The following MMP20 variants were observed in gnomAD, a reference collection of about 807,000 sequenced individuals.
MMP20 encodes matrix metalloproteinase-20.
A neutral mutation model predicts 51.8 loss-of-function variants in MMP20; 50 were observed. The observed-to-expected ratio is 0.97, with a 90% CI of 0.77 to 1.22. The LOEUF is 1.22. Among genes scored for constraint, MMP20 ranks in the 50% most tolerant of loss-of-function variants. MMP20 has a pLI of 0.00. For missense variants in MMP20, 663 were observed against 601.4 expected, an observed-to-expected ratio of 1.10 and a Z score of -1.07; for synonymous variants, 244 against 216.2, an observed-to-expected ratio of 1.13 and a Z score of -1.13.
chr11:102,609,279 C>G (rs1226098961), intron 4 of MMP20, among the ~76,000 whole-genome samples, 181 bp from the exon 5 acceptor site: 1 of 152,136 alleles, frequency 6.6e-6, no homozygotes, highest in Non-Finnish European at 1.5e-5. Context: ...ATTCTTCCCC[C>G]CTTGGCTAGA....
intron 3 of MMP20, among the ~76,000 whole-genome samples, chr11:102,610,935 C>G (rs1219751660): frequency 6.6e-6 from 1 of 152,030 alleles, no homozygotes; most frequent in African/African-American, 2.4e-5. Flanking sequence ...AAGAGAGAGC[C>G]AGACATTCAT....
chr11:102,609,012 G>T lies in MMP20; in HGVS notation c.736C>A (p.Pro246Thr), dbSNP rs752206783. Reference sequence around the variant, plus strand: ...TAGGGATTCTTGTACTTATAAGTTGGGTACATCAGTGCTGATGGGTCTGTG... The same window carrying T: ...TAGGGATTCTTGTACTTATAAGTTGTGTACATCAGTGCTGATGGGTCTGTG... ...HSTDPSALMY[P>T]TYKYKNPYGF... The change falls in exon 5 of 10, where the codon CCA becomes ACA. Residue 246 changes from proline to threonine, a missense_variant. Coordinates refer to ENST00000260228, the MANE Select transcript of MMP20 (RefSeq NM_004771.4). 13 of 1,613,774 alleles carry T rather than the reference G, an allele frequency of 8.1e-6. No homozygotes were observed.
chr11:102,579,657 T>C (rs1408088679), intron 8 of MMP20, among the ~76,000 whole-genome samples: 2 of 152,174 alleles, frequency 1.3e-5, no homozygotes, highest in Non-Finnish European at 2.9e-5. Flanking sequence ...AAAGAGATTA[T>C]AGACCTTTAT....
intron 2 of MMP20, 79 bp downstream of exon 2, chr11:102,616,733 G>A: frequency 6.3e-7 from 1 of 1,574,954 alleles, no homozygotes; most frequent in South Asian, 1.1e-5. Context: ...CGGATGAGAA[G>A]GAAAATATTT....
chr11:102,621,155 G>A (rs1422109974), intron 1 of MMP20, among the ~76,000 whole-genome samples: 1 of 152,212 alleles, frequency 6.6e-6, no homozygotes, highest in Non-Finnish European at 1.5e-5. Flanking sequence ...GAGGACTCCT[G>A]TACAATGTCA....
At chr11:102,624,683 GT>G (rs1440490647) in intron 1 of MMP20, among the ~76,000 whole-genome samples, 1 of 152,148 alleles carries the variant, frequency 6.6e-6, no homozygotes, top group East Asian at 1.9e-4. Context: ...CAAATGAGAA[GT>G]GGGTTGGCAC....
In MMP20 at chr11:102,579,084, A is replaced by G; in HGVS notation, c.1306T>C (p.Phe436Leu). The G allele has an allele frequency of 6.2e-7, 1 of 1,613,910 alleles. No individual in the cohort carries two copies. The highest frequency in any genetic ancestry group is 8.5e-7 in the Non-Finnish European group (1 of 1,179,850). ...TCGATTTGGCCATTTACTCCTGAAA[A>G]TTCTTCTTCAGTATTCTTTGGATAG... ...KDYPKNTEEE[F>L]SGVNGQIDAA... Residue 436 changes from phenylalanine to leucine, a missense_variant, in exon 9 of 10, where the codon TTT becomes CTT. Coordinates refer to ENST00000260228, the MANE Select transcript of MMP20 (RefSeq NM_004771.4).
intron 7 of MMP20, 137 bp from the exon 8 acceptor site, chr11:102,593,732 T>G: frequency 1.1e-6 from 1 of 947,024 alleles, no homozygotes. Flanking sequence ...ACAAGAGATA[T>G]AAGCTTCTAA....
chr11:102,597,717 A>G (rs890969971), intron 6 of MMP20, among the ~76,000 whole-genome samples: 8 of 152,372 alleles, frequency 5.3e-5, no homozygotes, highest in African/African-American at 1.9e-4. Flanking sequence ...ATGTGCACAT[A>G]GGATAGAAAT....
chr11:102,606,107 T>C (rs1282599109), intron 6 of MMP20, among the ~76,000 whole-genome samples: 1 of 152,214 alleles, frequency 6.6e-6, no homozygotes, highest in African/African-American at 2.4e-5. Context: ...AAATATTTAT[T>C]GAGCATTTGC....
chr11:102,591,574 GAGA>G lies in MMP20; in HGVS notation c.1247+1862_1247+1864del, dbSNP rs200703947. On this transcript the variant is annotated intron_variant, in intron 8 of 9. Transcript: ENST00000260228. ...CATCACTTAATACCCTCTGTAACCT[GAGA>G]AGGTTAGAAGTGCCTACGATGGTTT... is the stretch of plus-strand genomic sequence containing the variant. Among the ~76,000 whole-genome samples, 84 of 152,312 alleles carry G rather than the reference GAGA, an allele frequency of 5.5e-4. 1 individual carries two copies. In the East Asian group the frequency reaches 0.014, roughly 25 times the overall value.
intron 9 of MMP20, 35 bp from the exon 10 acceptor site, chr11:102,577,461 G>A: frequency 2.2e-6 from 3 of 1,374,686 alleles, no homozygotes; most frequent in Non-Finnish European, 3.1e-6. Context: ...GGTTACTGAA[G>A]ATGTCCAGCA....
chr11:102,608,642 C>T (rs1859550760), intron 5 of MMP20, among the ~76,000 whole-genome samples: 1 of 152,022 alleles, frequency 6.6e-6, no homozygotes, highest in East Asian at 1.9e-4. Flanking sequence ...CTATATCCAT[C>T]CTCTCCCAAT....
intron 8 of MMP20, chr11:102,583,315 A>G (rs1859217297): frequency 6.6e-6 from 1 of 152,164 alleles, no homozygotes; most frequent in Non-Finnish European, 1.5e-5. Flanking sequence ...TCTTATTTAA[A>G]CAATTCAGTG....
In MMP20 at chr11:102,594,710, C is replaced by T. The variant is rs1859359431; in HGVS notation, c.1001G>A (p.Ser334Asn). Residue 334 changes from serine (S) to asparagine (N), a missense_variant, in exon 7 of 10, where the codon AGC (serine) becomes AAC (asparagine). By Grantham distance (46) the Ser-to-Asn change is conservative. Transcript: ENST00000260228. Reference protein sequence around the residue: ...QVHLRTGIRPSTITSSFPQLM... With the variant: ...QVHLRTGIRPNTITSSFPQLM... ...CTGGGGGAAGGAGCTGGTAATAGTG[C>T]TGGGCCGAATTCCTGTCCGCAAGTG... 6.2e-7 allele frequency: 1 copy of T among 1,609,090 alleles called. No individual in the cohort carries two copies.
intron 6 of MMP20, among the ~76,000 whole-genome samples, chr11:102,597,374 G>C (rs1859394174): frequency 6.6e-6 from 1 of 152,214 alleles, no homozygotes; most frequent in Non-Finnish European, 1.5e-5. Flanking sequence ...CTGTACTCTT[G>C]AAACTTTTCA....
intron 6 of MMP20, chr11:102,605,389 T>C (rs1003162896): frequency 2.0e-5 from 3 of 152,042 alleles, no homozygotes; most frequent in Admixed American, 2.0e-4. Context: ...TCTGGGTAAA[T>C]TTTGCTTTTT....
chr11:102,599,034 A>G (rs1387377440), intron 6 of MMP20, among the ~76,000 whole-genome samples: 2 of 124,452 alleles, frequency 1.6e-5, no homozygotes, highest in Admixed American at 9.2e-5. Context: ...TTTTTTTGAG[A>G]TGGAGTCTTG....
At chr11:102,606,342 T>C (rs1859515660) in intron 6 of MMP20, among the ~76,000 whole-genome samples, 193 bp downstream of exon 6, 1 of 152,180 alleles carries the variant, frequency 6.6e-6, no homozygotes, top group Non-Finnish European at 1.5e-5. Flanking sequence ...AAGACCACAG[T>C]AGGTGCACCA....
Sources: gnomAD v4.1 joint callset for allele counts (sites outside exome capture counted in the v4.1 genomes callset) on GRCh38, gnomAD v4.1.1 for gene constraint, MANE v1.5 for transcripts, NCBI Gene and HGNC (gene_info 2026-07-23, HGNC 2026-07-21) for gene names.